PPP2R2B: variants seen among roughly 807,000 people sequenced by gnomAD.
PPP2R2B encodes the protein serine/threonine-protein phosphatase 2A 55 kDa regulatory subunit B beta isoform.
In PPP2R2B, 5 loss-of-function variants were observed where a neutral mutation model predicts 46.0. The ratio of observed to expected loss-of-function variants is 0.11; its 90% CI spans 0.06 to 0.23. The LOEUF (loss-of-function observed/expected upper bound fraction) is 0.23, where lower values mean the gene tolerates loss of function less well. PPP2R2B is among the 10% of genes least tolerant of loss of function. PPP2R2B has a pLI of 1.00. For missense variants in PPP2R2B, 367 were observed against 575.0 expected (o/e 0.64, Z 3.70); for synonymous variants, 215 against 206.7 (o/e 1.04, Z -0.34).
upstream of PPP2R2B, among the ~76,000 whole-genome samples, chr5:146,882,649 A>C (rs2151423433): frequency 6.6e-6 from 1 of 152,334 alleles, no homozygotes; most frequent in Non-Finnish European, 1.5e-5. Context: ...CACCATCATC[A>C]ATGTTCAGCA....
At chr5:146,699,671 T>TG (rs1184111174) in intron 3 of PPP2R2B, among the ~76,000 whole-genome samples, 3 of 150,992 alleles carry the variant, frequency 2.0e-5, no homozygotes, top group African/African-American at 4.9e-5. Context: ...GTTTTTTTTT[T>TG]TTTTTTTTTT....
At chr5:146,615,760 A>G (rs1773111858) in intron 7 of PPP2R2B, among the ~76,000 whole-genome samples, 1 of 152,160 alleles carries the variant, frequency 6.6e-6, no homozygotes. Context: ...CAAAAAATGG[A>G]AAGATATTCC....
At chr5:146,646,465 G>A (rs570118276) in intron 6 of PPP2R2B, among the ~76,000 whole-genome samples, 7 of 152,322 alleles carry the variant, frequency 4.6e-5, no homozygotes, top group African/African-American at 1.7e-4. Flanking sequence ...TAAGACGAAA[G>A]TTTGACTGCT....
At chr5:147,024,012 T>C (rs1755408046) in intron 1 of PPP2R2B, among the ~76,000 whole-genome samples, 2 of 152,332 alleles carry the variant, frequency 1.3e-5, no homozygotes, top group African/African-American at 4.8e-5. Flanking sequence ...AGTTCCATCA[T>C]TGGCTCCCAT....
At chr5:147,055,474 A>G (rs1757038662) in intron 1 of PPP2R2B, among the ~76,000 whole-genome samples, 1 of 152,248 alleles carries the variant, frequency 6.6e-6, no homozygotes, top group Non-Finnish European at 1.5e-5. Context: ...TGTTCTTCAG[A>G]AAACACTTCC....
chr5:146,984,025 A>G (rs985118994), intron 1 of PPP2R2B, among the ~76,000 whole-genome samples: 3 of 152,210 alleles, frequency 2.0e-5, no homozygotes, highest in African/African-American at 7.2e-5. Context: ...TGAACACAAT[A>G]TAGAACAATT....
chr5:147,049,006 G>T (rs1438416642), intron 1 of PPP2R2B, among the ~76,000 whole-genome samples: 2 of 152,022 alleles, frequency 1.3e-5, no homozygotes, highest in African/African-American at 4.8e-5. Context: ...AAAAATAAGG[G>T]CTGTGAAGGA....
intron 3 of PPP2R2B, among the ~76,000 whole-genome samples, chr5:146,700,277 A>G (rs192436682): frequency 6.6e-6 from 1 of 152,270 alleles, no homozygotes; most frequent in Admixed American, 6.5e-5. Flanking sequence ...TAGAACACAG[A>G]CTGGCCTGCT....
chr5:146,976,108 TTTATTATTATTA>T (rs143212984), intron 1 of PPP2R2B, among the ~76,000 whole-genome samples: 2,216 of 130,632 alleles, frequency 0.017, 26 homozygotes, highest in Admixed American at 0.026. Context: ...TTTTAAAAAA[TTTATTATTATTA>T]TTATTATTAT....
At chr5:146,769,701 A>C (rs1754721156) in intron 2 of PPP2R2B, among the ~76,000 whole-genome samples, 1 of 152,254 alleles carries the variant, frequency 6.6e-6, no homozygotes, top group African/African-American at 2.4e-5. Flanking sequence ...TCATTTATTC[A>C]ACATTTATTG....
intron 1 of PPP2R2B, among the ~76,000 whole-genome samples, chr5:146,947,870 G>C (rs558102200): frequency 6.6e-6 from 1 of 151,442 alleles, no homozygotes; most frequent in African/African-American, 2.4e-5. Context: ...ATGCCCTTGC[G>C]TTCTCTTCTT....
chr5:146,995,322 A>C (rs1753877649), intron 1 of PPP2R2B, among the ~76,000 whole-genome samples: 1 of 152,184 alleles, frequency 6.6e-6, no homozygotes, highest in African/African-American at 2.4e-5. Flanking sequence ...ACACACAGGC[A>C]GTCATTATTT....
Position 146,958,851 on chromosome 5 carries a change from C to T in PPP2R2B, c.79+96814G>A, listed in dbSNP as rs191331046. On this transcript the variant is annotated intron_variant, in intron 1 of 8. Transcript: ENST00000336640. ...TGTATGTATTAACCAATTTAAACCT[C>T]ACAACAAACTTATGCAATAGGTTCT... 3.7e-3 allele frequency among the ~76,000 whole-genome samples: 558 copies of T among 152,280 alleles called. 4 individuals are homozygous for T. Among genetic ancestry groups the T allele is most frequent in the African/African-American group, 0.012 (517 of 41,548 alleles).
intron 9 of PPP2R2B, among the ~76,000 whole-genome samples, chr5:146,592,554 A>G (rs1404243877): frequency 6.6e-6 from 1 of 152,256 alleles, no homozygotes; most frequent in African/African-American, 2.4e-5. Flanking sequence ...TTAATGAACT[A>G]CCAGGGCCGT....
Position 146,651,931 on chromosome 5 carries a change from C to T in PPP2R2B, c.448-1207G>A, listed in dbSNP as rs115332690. On this transcript the variant is annotated intron_variant, in intron 5 of 9. Transcript: ENST00000394411. ...CTTGAGGGACTTTAACTCACCTATG[C>T]GGGAGTTTTTAAATCAAATCAATGA... 5.2e-3 allele frequency among the ~76,000 whole-genome samples: 793 copies of T among 152,198 alleles called. 13 individuals are homozygous for T. The highest frequency in any genetic ancestry group is 0.018 in the African/African-American group (731 of 41,532).
At chr5:146,822,535 G>GT (rs368081191) in intron 2 of PPP2R2B, among the ~76,000 whole-genome samples, 6,038 of 125,182 alleles carry the variant, frequency 0.048, 422 homozygotes, top group African/African-American at 0.16. Flanking sequence ...TTCATTTTTG[G>GT]TTTTTTTTTT....
intron 7 of PPP2R2B, among the ~76,000 whole-genome samples, chr5:146,620,454 C>T (rs1367217112): frequency 2.0e-5 from 3 of 152,160 alleles, no homozygotes; most frequent in African/African-American, 7.2e-5. Context: ...GGCTGCAGTC[C>T]AGACAAGATG....
chr5:146,644,261 A>G (rs178728), intron 6 of PPP2R2B, among the ~76,000 whole-genome samples: 43,177 of 78,970 alleles, frequency 0.55, 8,709 homozygotes, highest in Admixed American at 0.64. Context: ...AAAAAAAAAA[A>G]AAGAAGAAGA....
intron 2 of PPP2R2B, among the ~76,000 whole-genome samples, chr5:146,758,276 A>G (rs2151248334): frequency 6.6e-6 from 1 of 152,260 alleles, no homozygotes; most frequent in Middle Eastern, 3.4e-3. Context: ...CAACAGGTGA[A>G]CTAGCACCAG....
Sources: allele counts gnomAD v4.1 joint callset (sites outside exome capture counted in the v4.1 genomes callset), GRCh38; gene constraint gnomAD v4.1.1; transcripts MANE v1.5; gene names NCBI Gene and HGNC (gene_info 2026-07-23, HGNC 2026-07-21).